The following RAB3GAP2 variants were observed in gnomAD, a reference collection of about 807,000 sequenced individuals.
The protein encoded by RAB3GAP2 is RAB3 GTPase activating non-catalytic protein subunit 2.
Under a neutral mutation model 185.3 loss-of-function variants are expected in RAB3GAP2, and 87 were observed. The observed-to-expected ratio is 0.47, with a 90% CI of 0.39 to 0.56. The LOEUF (loss-of-function observed/expected upper bound fraction) is 0.56. Among genes scored for constraint, RAB3GAP2 ranks in the 20% least tolerant of loss-of-function variants. The probability of loss-of-function intolerance (pLI) is 0.00; values close to 1 mark genes in which losing one functional copy is unlikely to be tolerated. For synonymous variants in RAB3GAP2, 554 were observed against 576.1 expected (o/e 0.96, Z 0.55); for missense variants, 1,492 against 1,638.2 (o/e 0.91, Z 1.54).
chr1:220,193,167 A>G (rs1227774096), intron 13 of RAB3GAP2, 73 bp downstream of exon 13: 1 of 1,540,168 alleles, frequency 6.5e-7, no homozygotes, highest in African/African-American at 1.4e-5. Flanking sequence ...CAGAAGCTGA[A>G]GGATGATAAC....
rs760032410 is a variant in RAB3GAP2 at position 220,182,243 on chromosome 1, C to CA, written c.2310+13dup. 1.2e-5 allele frequency: 20 copies of CA among 1,613,122 alleles called. No homozygotes were observed. The African/African-American group carries it at 2.1e-4, about 17-fold the overall frequency. ...ACAAGGAAGAACAGCATCCAGCAAC[C>CA]AAAAAAACCTTACCAACAACAGCTG... On this transcript the variant is annotated intron_variant, in intron 21 of 34. Transcript: ENST00000358951.
chr1:220,194,453 T>C (rs1432448578), intron 12 of RAB3GAP2, among the ~76,000 whole-genome samples: 1 of 152,058 alleles, frequency 6.6e-6, no homozygotes, highest in Non-Finnish European at 1.5e-5. Flanking sequence ...AGTGCAACAG[T>C]GCAATATCGG....
chr1:220,196,505 CA>C (rs1320148456), intron 9 of RAB3GAP2, 107 bp from the exon 10 acceptor site: 1 of 1,146,922 alleles, frequency 8.7e-7, no homozygotes, highest in Admixed American at 2.0e-5. Context: ...ATTTAATAAC[CA>C]AAAGTCATTT....
chr1:220,271,065 C>G lies in RAB3GAP2; in HGVS notation c.115+1158G>C, dbSNP rs1660325066. 3 of 152,200 alleles carry G rather than the reference C, an allele frequency of 2.0e-5. 1 individual carries two copies. The South Asian group carries it at 6.2e-4, about 32-fold the overall frequency. The allele number at this position is 152,200 out of a possible 1,614,324, so 9.4% of individuals were successfully genotyped here. On this transcript the variant is annotated intron_variant, in intron 1 of 34. Coordinates refer to ENST00000358951, the MANE Select transcript of RAB3GAP2 (RefSeq NM_012414.4). ...AAGGTAGGCTTAAGTATCACCACTT[C>G]AAGAAAATGCCTCATGTATATCTCA... is the stretch of plus-strand genomic sequence containing the variant.
chr1:220,271,823 G>A (rs1488534109), intron 1 of RAB3GAP2, among the ~76,000 whole-genome samples: 1 of 151,250 alleles, frequency 6.6e-6, no homozygotes, highest in Non-Finnish European at 1.5e-5. Context: ...GCAAGGAACG[G>A]GGAGGATGCG....
rs554600456 is a variant in RAB3GAP2, at chr1:220,245,661, C to A, written c.116-12798G>T. ...CCGGGAAGCCCCAACTGGGTGGAGC[C>A]CACCACAGCTCAAGGAGGCCTGCCT... On this transcript the variant is annotated intron_variant, in intron 1 of 34. Coordinates refer to ENST00000358951, the MANE Select transcript of RAB3GAP2 (RefSeq NM_012414.4). Among the ~76,000 whole-genome samples the A allele has an allele frequency of 2.2e-4, 33 of 151,874 alleles. No individual in the cohort carries two copies. In the East Asian group the frequency reaches 5.9e-3, roughly 27 times the overall value.
chr1:220,152,000 A>T (rs1657766216), intron 33 of RAB3GAP2, among the ~76,000 whole-genome samples: 1 of 151,982 alleles, frequency 6.6e-6, no homozygotes, highest in African/African-American at 2.4e-5. Flanking sequence ...CAATGTGGCT[A>T]CTCAGTGTGC....
intron 13 of RAB3GAP2, 151 bp downstream of exon 13, chr1:220,193,089 G>A: frequency 5.8e-6 from 5 of 863,784 alleles, no homozygotes; most frequent in Non-Finnish European, 9.1e-6. Flanking sequence ...TGGACCAAGT[G>A]GTTGCTGATC....
intron 2 of RAB3GAP2, among the ~76,000 whole-genome samples, chr1:220,226,057 A>ATTTCT (rs1659396728): frequency 1.3e-5 from 2 of 152,222 alleles, no homozygotes; most frequent in Admixed American, 6.5e-5. Context: ...TCTGTAAAAC[A>ATTTCT]GATGGAGCAC....
chr1:220,260,218 G>C (rs1442036362), intron 1 of RAB3GAP2, among the ~76,000 whole-genome samples: 1 of 152,084 alleles, frequency 6.6e-6, no homozygotes, highest in Non-Finnish European at 1.5e-5. Flanking sequence ...ATACCTTTTG[G>C]CCCAGCAATC....
chr1:220,264,750 T>TAAA (rs1660200018), intron 1 of RAB3GAP2, among the ~76,000 whole-genome samples: 1 of 152,116 alleles, frequency 6.6e-6, no homozygotes, highest in Admixed American at 6.5e-5. Flanking sequence ...TGGACATCTT[T>TAAA]AAACTATTAA....
chr1:220,195,224 A>T, intron 11 of RAB3GAP2, 57 bp from the exon 12 acceptor site: 2 of 1,603,550 alleles, frequency 1.2e-6, no homozygotes, highest in South Asian at 1.1e-5. Flanking sequence ...TTAAAGTGCA[A>T]ACTATCAAAA....
At chr1:220,159,599 G>A (rs911930966) in intron 28 of RAB3GAP2, among the ~76,000 whole-genome samples, 178 bp from the exon 29 acceptor site, 13 of 152,154 alleles carry the variant, frequency 8.5e-5, no homozygotes, top group African/African-American at 3.1e-4. Context: ...TAAATTGGTG[G>A]TGAAACTTAA....
chr1:220,180,025 G>T (rs1342894721), intron 21 of RAB3GAP2, among the ~76,000 whole-genome samples: 1 of 152,078 alleles, frequency 6.6e-6, no homozygotes, highest in Non-Finnish European at 1.5e-5. Context: ...AGCTGGGTGT[G>T]GTGGCGCATG....
intron 17 of RAB3GAP2, 141 bp from the exon 18 acceptor site, chr1:220,185,882 T>A: frequency 1.5e-6 from 1 of 651,194 alleles, no homozygotes; most frequent in Non-Finnish European, 2.7e-6. Flanking sequence ...GTACATATAT[T>A]AAATCTCAAG....
chr1:220,246,998 A>C (rs1185645102), intron 1 of RAB3GAP2, among the ~76,000 whole-genome samples: 2 of 152,226 alleles, frequency 1.3e-5, no homozygotes, highest in Admixed American at 1.3e-4. Context: ...CAACAAATAC[A>C]TAAAAATTGC....
intron 1 of RAB3GAP2, chr1:220,253,760 A>G: frequency 1.2e-6 from 2 of 1,611,866 alleles, no homozygotes; most frequent in Admixed American, 1.7e-5. Context: ...AGAGTACTCA[A>G]ATACGTGGAC....
rs1323438410 is a variant in RAB3GAP2, at chr1:220,272,262, G to T, written c.76C>A (p.Arg26=). ...AAGGCGCCGCTGAGGATCTCCTCCC[G>T]CAGGTGAGGAAAGAGGAAGTCCCGG... ...AARDFLFPHL[R]EEILSGALRR... The change falls in exon 1 of 35, where the codon CGG becomes AGG. Residue 26 remains arginine, a synonymous_variant. Coordinates refer to ENST00000358951, the MANE Select transcript of RAB3GAP2 (RefSeq NM_012414.4). The T allele has an allele frequency of 1.9e-6, 3 of 1,611,582 alleles. No homozygotes were observed. Among genetic ancestry groups the T allele is most frequent in the Non-Finnish European group, 2.5e-6 (3 of 1,179,356 alleles).
intron 2 of RAB3GAP2, among the ~76,000 whole-genome samples, chr1:220,223,869 A>T: frequency 6.6e-6 from 1 of 151,786 alleles, no homozygotes; most frequent in Non-Finnish European, 1.5e-5. Flanking sequence ...TGTAAAATCC[A>T]GCCTGGGCAA....
Sources: allele counts gnomAD v4.1 joint callset (sites outside exome capture counted in the v4.1 genomes callset), GRCh38; gene constraint gnomAD v4.1.1; transcripts MANE v1.5; gene names NCBI Gene and HGNC (gene_info 2026-07-23, HGNC 2026-07-21).